IGHMBP2: variants seen among roughly 807,000 people sequenced by gnomAD.
IGHMBP2 encodes immunoglobulin mu DNA binding protein 2.
IGHMBP2 carries 81 observed loss-of-function variants against 96.0 expected under a neutral mutation model. That is an observed-to-expected ratio of 0.84 (90% CI 0.71 to 1.01). The LOEUF (loss-of-function observed/expected upper bound fraction) is 1.01, where lower values mean the gene tolerates loss of function less well. IGHMBP2 is among the 50% of genes least tolerant of loss of function. The pLI, the probability that IGHMBP2 is intolerant of heterozygous loss-of-function variation, is 0.00. For synonymous variants in IGHMBP2, 557 were observed against 548.9 expected (o/e 1.01, Z -0.21); for missense variants, 1,227 against 1,306.3 (o/e 0.94, Z 0.94).
chr11:68,937,104 A>AT lies in IGHMBP2; in HGVS notation c.2611+14dup. The AT allele has an allele frequency of 1.3e-6, 2 of 1,596,174 alleles. No homozygotes were observed. Among genetic ancestry groups the AT allele is most frequent in the Non-Finnish European group, 1.7e-6 (2 of 1,179,762 alleles). On this transcript the variant is annotated intron_variant, in intron 13 of 14. Coordinates refer to ENST00000255078, the MANE Select transcript of IGHMBP2 (RefSeq NM_002180.3). ...AAAAAAGCCAAAGGTAAGTCAACTA[A>AT]TAAGAACTTGGGGCAGTGTCCCCTC... is the stretch of plus-strand genomic sequence containing the variant.
rs1197417877 is a variant in IGHMBP2 at position 68,936,593 on chromosome 11, G to A, written c.2113G>A (p.Glu705Lys). ...KKPAGKSLASEAPSQPSLNGG... is the reference protein window; with the variant it reads ...KKPAGKSLASKAPSQPSLNGG... ...GCCGGCTGGGAAGTCTCTGGCCTCT[G>A]AAGCTCCATCTCAGCCCAGCCTCAA... The change falls in exon 13 of 15, where the codon GAA (glutamate) becomes AAA (lysine). Residue 705 changes from glutamate (E) to lysine (K), a missense_variant. Glu to Lys is a moderately conservative substitution (Grantham distance 56). This residue lies in a region of IGHMBP2 where 703 missense variants were observed against 770.3 expected (regional missense o/e 0.91). Coordinates refer to ENST00000255078, the MANE Select transcript of IGHMBP2 (RefSeq NM_002180.3). 6.2e-7 allele frequency: 1 copy of A among 1,612,724 alleles called. No homozygotes were observed. The highest frequency in any genetic ancestry group is 8.5e-7 in the Non-Finnish European group (1 of 1,179,374).
chr11:68,935,335 C>G lies in IGHMBP2; in HGVS notation c.1669C>G (p.Pro557Ala), dbSNP rs7122089. The change falls in exon 12 of 15, where the codon CCT becomes GCT. Residue 557 changes from proline (P) to alanine (A), a missense_variant. Coordinates refer to ENST00000255078, the MANE Select transcript of IGHMBP2 (RefSeq NM_002180.3). ...LLRQSLVHRH[P>A]ELEIKSVDGF... ...CAGACAGAGCCTTGTGCACAGGCAC[C>G]CTGAGCTTGAAATCAAGTCTGTCGA... 1.6e-4 allele frequency: 253 copies of G among 1,614,124 alleles called. No homozygotes were observed. In the African/African-American group the frequency reaches 2.5e-3, roughly 16 times the overall value.
intron 14 of IGHMBP2, among the ~76,000 whole-genome samples, chr11:68,938,792 T>A (rs1398705227): frequency 6.6e-6 from 1 of 152,154 alleles, no homozygotes; most frequent in African/African-American, 2.4e-5. Context: ...AGCCGAGGTC[T>A]GAACCAGCCT....
Position 68,903,907 on chromosome 11 carries a change from G to C in IGHMBP2, c.-46G>C. On this transcript the variant is annotated 5_prime_UTR_variant, in exon 1 of 15. Transcript: ENST00000255078. ...CGGTCCGCTGTAACACCGGCCCGGC[G>C]CAGAAGCGGGACGTCGGCTTCTAGG... 1 of 1,603,934 alleles carries C rather than the reference G, an allele frequency of 6.2e-7. No individual in the cohort carries two copies. The highest frequency in any genetic ancestry group is 8.5e-7 in the Non-Finnish European group (1 of 1,174,362).
Position 68,938,373 on chromosome 11 carries a change from C to T in IGHMBP2, c.2784+19C>T. ...GCCCGAGGTATGTCGGCCTCCCCTC[C>T]TGCGATCAAACAGTGGGGAGGGGTG... On this transcript the variant is annotated intron_variant, in intron 14 of 14. Transcript: ENST00000255078. 1 of 1,594,966 alleles carries T rather than the reference C, an allele frequency of 6.3e-7. No individual in the cohort carries two copies.
chr11:68,915,165 C>CTTT (rs1566430409), intron 6 of IGHMBP2, 142 bp downstream of exon 6: 13 of 265,050 alleles, frequency 4.9e-5, no homozygotes, highest in Middle Eastern at 1.3e-3. Flanking sequence ...ATTGGGCTGC[C>CTTT]CTTTTTTTTT....
chr11:68,907,938 C>T (rs1259161344), intron 2 of IGHMBP2, among the ~76,000 whole-genome samples: 5 of 151,942 alleles, frequency 3.3e-5, no homozygotes, highest in African/African-American at 9.7e-5. Context: ...ATCTGCCCAC[C>T]TCTGCCTCCC....
intron 11 of IGHMBP2, among the ~76,000 whole-genome samples, chr11:68,934,780 T>G (rs1238273725): frequency 2.0e-5 from 3 of 152,186 alleles, no homozygotes; most frequent in Admixed American, 2.0e-4. Flanking sequence ...TGCCCCAGCC[T>G]TCTGCACTGG....
chr11:68,935,163 C>T, intron 11 of IGHMBP2, 136 bp from the exon 12 acceptor site: 1 of 1,157,144 alleles, frequency 8.6e-7, no homozygotes, highest in Non-Finnish European at 1.2e-6. Flanking sequence ...AAGCCTTTCC[C>T]CATGGGGCTC....
At chr11:68,905,334 T>G (rs1289525324) in intron 1 of IGHMBP2, among the ~76,000 whole-genome samples, 1 of 152,230 alleles carries the variant, frequency 6.6e-6, no homozygotes, top group South Asian at 2.1e-4. Flanking sequence ...CATTTATGGC[T>G]GTGTGACTTT....
chr11:68,907,119 G>A (rs112010871), intron 2 of IGHMBP2, among the ~76,000 whole-genome samples: 2,282 of 152,214 alleles, frequency 0.015, 68 homozygotes, highest in African/African-American at 0.052. Context: ...AAATTAGCCA[G>A]ATGTGGTGGT....
chr11:68,910,847 C>T (rs1051260669), intron 4 of IGHMBP2, among the ~76,000 whole-genome samples: 10 of 146,148 alleles, frequency 6.8e-5, no homozygotes, highest in African/African-American at 2.3e-4. Context: ...CATGCCATTG[C>T]ACTCCAGCCT....
intron 7 of IGHMBP2, among the ~76,000 whole-genome samples, chr11:68,927,288 T>C (rs899811585): frequency 2.0e-5 from 3 of 152,268 alleles, no homozygotes; most frequent in Non-Finnish European, 4.4e-5. Flanking sequence ...TTTTTTGTCT[T>C]GCGTGGCCAC....
rs1303837541 is a variant in IGHMBP2, at chr11:68,933,336, C to T, written c.1273C>T (p.Arg425Cys). The T allele has an allele frequency of 1.4e-5, 23 of 1,613,194 alleles. No homozygotes were observed. The highest frequency in any genetic ancestry group is 2.2e-5 in the East Asian group (1 of 44,866). The change falls in exon 9 of 15, where the codon CGC becomes TGC. Residue 425 changes from arginine (R) to cysteine (C), a missense_variant. Coordinates refer to ENST00000255078, the MANE Select transcript of IGHMBP2 (RefSeq NM_002180.3). ...AGGACTGTCACTCAGCCTGATGGAACGCCTGGCTGAGGAGTACGGCGCGAG... is the reference window on the plus strand; with the variant it reads ...AGGACTGTCACTCAGCCTGATGGAATGCCTGGCTGAGGAGTACGGCGCGAG... ...LAGLSLSLME[R>C]LAEEYGARVV... is the part of the protein sequence containing the mutation.
At chr11:68,932,767 A>G in intron 8 of IGHMBP2, 2 of 164,518 alleles carry the variant, frequency 1.2e-5, no homozygotes, top group East Asian at 1.7e-4. Context: ...AGAAACGACA[A>G]TCTGGGGGTC....
At chr11:68,922,316 C>CAA (rs565249784) in intron 7 of IGHMBP2, among the ~76,000 whole-genome samples, 168 of 138,974 alleles carry the variant, frequency 1.2e-3, no homozygotes, top group African/African-American at 4.3e-3. Flanking sequence ...GACTCCGTCT[C>CAA]AAAAAAAAAA....
intron 13 of IGHMBP2, 105 bp downstream of exon 13, chr11:68,937,196 T>A (rs936792556): frequency 7.9e-6 from 11 of 1,389,086 alleles, no homozygotes; most frequent in Non-Finnish European, 1.1e-5. Flanking sequence ...TTCCTCCTGG[T>A]GGCACCGTGC....
intron 6 of IGHMBP2, among the ~76,000 whole-genome samples, chr11:68,916,933 C>T (rs1462919835): frequency 1.3e-5 from 2 of 151,242 alleles, no homozygotes; most frequent in African/African-American, 4.9e-5. Context: ...TGCTAAAACT[C>T]CATCCCCCAA....
Position 68,905,282 on chromosome 11 carries a change from G to C in IGHMBP2, c.87-787G>C, listed in dbSNP as rs1488965305. Among the ~76,000 whole-genome samples the C allele has an allele frequency of 2.6e-5, 4 of 152,216 alleles. No individual in the cohort carries two copies. The East Asian group carries it at 7.7e-4, about 29-fold the overall frequency. ...ATGCTTTTGATCATGGCAATGGAGA[G>C]CTTTTGCAGTTATGTTGAGTTTCTT... On this transcript the variant is annotated intron_variant, in intron 1 of 14. Coordinates refer to ENST00000255078, the MANE Select transcript of IGHMBP2 (RefSeq NM_002180.3).
Sources: allele counts gnomAD v4.1 joint callset (sites outside exome capture counted in the v4.1 genomes callset), GRCh38; gene constraint gnomAD v4.1.1; regional missense constraint gnomAD v4.1.1; transcripts MANE v1.5; gene names NCBI Gene and HGNC (gene_info 2026-07-23, HGNC 2026-07-21).